Variants in MAP3K13 observed in about 807,000 individuals in gnomAD.
MAP3K13 encodes mitogen-activated protein kinase kinase kinase 13.
MAP3K13 carries 52 observed loss-of-function variants against 104.0 expected under a neutral mutation model. The observed-to-expected ratio is 0.50, with a 90% CI of 0.40 to 0.63. The LOEUF (loss-of-function observed/expected upper bound fraction) is 0.63. MAP3K13 is among the 20% of genes least tolerant of loss of function. The pLI is 0.00. For synonymous variants in MAP3K13, 394 were observed against 442.2 expected, an observed-to-expected ratio of 0.89 and a Z score of 1.37; for missense variants, 914 against 1,218.5, an observed-to-expected ratio of 0.75 and a Z score of 3.72.
intron 2 of MAP3K13, among the ~76,000 whole-genome samples, chr3:185,291,175 C>A (rs1168526319): frequency 6.6e-6 from 1 of 152,084 alleles, no homozygotes; most frequent in Admixed American, 6.5e-5. Context: ...AGTTTATTTC[C>A]CTACCCCACA....
At chr3:185,360,196 T>C (rs1215406676), upstream of MAP3K13, among the ~76,000 whole-genome samples, 1 of 152,198 alleles carries the variant, frequency 6.6e-6, no homozygotes, top group Non-Finnish European at 1.5e-5. Flanking sequence ...AAATTACTTA[T>C]AATGATGGGA....
intron 7 of MAP3K13, among the ~76,000 whole-genome samples, chr3:185,454,034 G>T (rs1258227043): frequency 5.2e-4 from 3 of 5,814 alleles, no homozygotes; most frequent in African/African-American, 1.2e-3. Context: ...ATATATATGA[G>T]ATATATATAT....
chr3:185,322,392 TAGAC>T (rs1383653578), intron 2 of MAP3K13, among the ~76,000 whole-genome samples: 1 of 152,242 alleles, frequency 6.6e-6, no homozygotes, highest in Admixed American at 6.5e-5. Flanking sequence ...CTTTGTTTCT[TAGAC>T]AGTGCATTTG....
chr3:185,482,341 T>C lies in MAP3K13; in HGVS notation c.2800-14T>C. 6.3e-7 allele frequency: 1 copy of C among 1,589,026 alleles called. No homozygotes were observed. Among genetic ancestry groups the C allele is most frequent in the Non-Finnish European group, 8.6e-7 (1 of 1,157,130 alleles). On this transcript the variant is annotated splice_polypyrimidine_tract_variant and intron_variant, in intron 13 of 13. Coordinates refer to ENST00000265026, the MANE Select transcript of MAP3K13 (RefSeq NM_004721.5). The surrounding 1 kb of genome is among the most constrained non-coding windows in gnomAD (Gnocchi z 4.5). ...ATTATCGAAATGAATTAAGGTTTTG[T>C]CTTGCCTTTGCAGAACCCCATGCAG...
chr3:185,372,931 G>C (rs1349346220), intron 1 of MAP3K13, among the ~76,000 whole-genome samples: 1 of 152,156 alleles, frequency 6.6e-6, no homozygotes, highest in African/African-American at 2.4e-5. Flanking sequence ...ACCTGAGACT[G>C]TCCTGCTAAA....
At chr3:185,337,805 A>G (rs1722565921) in intron 2 of MAP3K13, among the ~76,000 whole-genome samples, 1 of 151,986 alleles carries the variant, frequency 6.6e-6, no homozygotes, top group African/African-American at 2.4e-5. Context: ...CAGTTTTCAG[A>G]ATTTAATAAT....
chr3:185,410,817 C>A (rs977288510), intron 1 of MAP3K13, among the ~76,000 whole-genome samples: 1 of 151,706 alleles, frequency 6.6e-6, no homozygotes, highest in Non-Finnish European at 1.5e-5. Context: ...CGCCTGTAAT[C>A]CCAGATACTT....
At chr3:185,417,316 GA>G (rs1349503569) in intron 1 of MAP3K13, among the ~76,000 whole-genome samples, 1 of 152,064 alleles carries the variant, frequency 6.6e-6, no homozygotes, top group East Asian at 1.9e-4. Flanking sequence ...CAAGAGTTTT[GA>G]TGCCTTCACA....
intron 1 of MAP3K13, among the ~76,000 whole-genome samples, chr3:185,425,465 T>C (rs1714359077): frequency 6.6e-6 from 1 of 152,254 alleles, no homozygotes. Context: ...TTTCCTGTTC[T>C]CTTCACTGCC....
Position 185,423,070 on chromosome 3 carries a change from C to G in MAP3K13, c.-85-5427C>G, listed in dbSNP as rs115719046. ...AATGATCTGTCACTGTCCCCCATCA[C>G]CCCCAGATAGGACTGTCTAGTTGCA... On this transcript the variant is annotated intron_variant, in intron 1 of 13. Coordinates refer to ENST00000265026, the MANE Select transcript of MAP3K13 (RefSeq NM_004721.5). This position sits in a 1 kb window ranked among gnomAD's most constrained non-coding sequence, Gnocchi z 4.1. 0.14 allele frequency among the ~76,000 whole-genome samples: 22,003 copies of G among 152,182 alleles called. 1,836 individuals carry two copies. Among genetic ancestry groups the G allele is most frequent in the South Asian group, 0.25 (1,224 of 4,814 alleles).
At chr3:185,431,409 G>T (rs1471624892) in intron 2 of MAP3K13, among the ~76,000 whole-genome samples, 1 of 152,096 alleles carries the variant, frequency 6.6e-6, no homozygotes, top group Admixed American at 6.5e-5. Flanking sequence ...AAGCCATACT[G>T]CAATGACCAT....
intron 2 of MAP3K13, among the ~76,000 whole-genome samples, chr3:185,288,363 T>A (rs1229076237): frequency 6.6e-6 from 1 of 151,712 alleles, no homozygotes; most frequent in Non-Finnish European, 1.5e-5. Flanking sequence ...TACCTACATC[T>A]ATGTATATTA....
chr3:185,347,385 G>A (rs1413193882), intron 2 of MAP3K13, among the ~76,000 whole-genome samples: 1 of 152,070 alleles, frequency 6.6e-6, no homozygotes, highest in Non-Finnish European at 1.5e-5. Context: ...GTTCTGTGTA[G>A]CTTAATCTAT....
At chr3:185,371,353 G>A (rs1724147102) in intron 1 of MAP3K13, among the ~76,000 whole-genome samples, 1 of 152,160 alleles carries the variant, frequency 6.6e-6, no homozygotes, top group South Asian at 2.1e-4. Flanking sequence ...TATCTGTGTA[G>A]CAGTGTGGTA....
rs561305770 is a variant in MAP3K13 at position 185,336,519 on chromosome 3, G to A, written c.-86+50876G>A. On this transcript the variant is annotated intron_variant, in intron 2 of 14. Transcript: ENST00000424227. ...ATGGCGCCATTGCACTCCAGCCTGG[G>A]TGACAGAGTGAGACTCTGTCTCAAA... 2.3e-3 allele frequency among the ~76,000 whole-genome samples: 338 copies of A among 149,240 alleles called. 2 individuals carry two copies. Among genetic ancestry groups the A allele is most frequent in the East Asian group, 4.1e-3 (21 of 5,104 alleles).
At chr3:185,378,626 G>A (rs1041784232) in intron 1 of MAP3K13, among the ~76,000 whole-genome samples, 21 of 151,994 alleles carry the variant, frequency 1.4e-4, no homozygotes, top group African/African-American at 3.9e-4. Flanking sequence ...GAAGGGGAGA[G>A]GTCACATGAG....
chr3:185,479,860 G>A lies in MAP3K13; in HGVS notation c.2502-372G>A, dbSNP rs73054865. On this transcript the variant is annotated intron_variant, in intron 12 of 13. Coordinates refer to ENST00000265026, the MANE Select transcript of MAP3K13 (RefSeq NM_004721.5). ...TGTTTCCTCACATGGTCTTTGCCCC[G>A]CACATGAATGTTGAAAAAAGGTGGG... 7.0e-3 allele frequency among the ~76,000 whole-genome samples: 1,067 copies of A among 152,246 alleles called. 15 individuals carry two copies. Among genetic ancestry groups the A allele is most frequent in the African/African-American group, 0.024 (985 of 41,518 alleles).
At chr3:185,387,010 T>C (rs922811282) in intron 1 of MAP3K13, among the ~76,000 whole-genome samples, 2 of 152,172 alleles carry the variant, frequency 1.3e-5, no homozygotes, top group Non-Finnish European at 2.9e-5. Flanking sequence ...ATGGCACACA[T>C]TTACCTATGT....
intron 1 of MAP3K13, among the ~76,000 whole-genome samples, chr3:185,426,339 GA>G (rs1288677383): frequency 6.6e-6 from 1 of 152,088 alleles, no homozygotes; most frequent in Non-Finnish European, 1.5e-5. Context: ...CTTGGCCTCC[GA>G]AAGTTTTGGG....
Sources: gnomAD v4.1 joint callset for allele counts (sites outside exome capture counted in the v4.1 genomes callset) on GRCh38, gnomAD v4.1.1 for gene constraint, Gnocchi (gnomAD v3.1) non-coding constraint, MANE v1.5 for transcripts, NCBI Gene and HGNC (gene_info 2026-07-23, HGNC 2026-07-21) for gene names.